Variants in AFF3 observed in about 807,000 individuals in gnomAD.
The protein encoded by AFF3 is AF4/FMR2 family member 3.
AFF3 carries 32 observed loss-of-function variants against 129.7 expected under a neutral mutation model. That is an observed-to-expected ratio of 0.25 (90% CI 0.19 to 0.33). The LOEUF (loss-of-function observed/expected upper bound fraction) is 0.33. Ranked by LOEUF, AFF3 falls within the 10% of genes least tolerant of loss-of-function variation. AFF3 has a pLI of 1.00. For missense variants in AFF3, 1,373 were observed against 1,592.0 expected, an observed-to-expected ratio of 0.86 and a Z score of 2.34; for synonymous variants, 644 against 635.4, an observed-to-expected ratio of 1.01 and a Z score of -0.20.
chr2:99,565,431 T>A, intron 20 of AFF3, 56 bp downstream of exon 20: 2 of 1,593,880 alleles, frequency 1.3e-6, no homozygotes. Flanking sequence ...GTAACCATAG[T>A]GCTTCCACAC....
intron 11 of AFF3, among the ~76,000 whole-genome samples, chr2:99,677,065 C>T (rs566188327): frequency 2.6e-5 from 4 of 152,064 alleles, no homozygotes; most frequent in South Asian, 2.1e-4. Flanking sequence ...CCCAAGAGTT[C>T]GAGATCAGCC....
chr2:99,963,787 TTAAAAG>T (rs1190434722), intron 7 of AFF3, among the ~76,000 whole-genome samples: 3 of 152,010 alleles, frequency 2.0e-5, no homozygotes, highest in African/African-American at 4.8e-5. Context: ...AATAATTACC[TTAAAAG>T]TAAATAGTCT....
chr2:99,875,341 C>G (rs954101875), intron 7 of AFF3, among the ~76,000 whole-genome samples: 1 of 152,184 alleles, frequency 6.6e-6, no homozygotes, highest in African/African-American at 2.4e-5. Context: ...AGAGGCCTTT[C>G]CTGATCCTCC....
intron 11 of AFF3, among the ~76,000 whole-genome samples, chr2:99,706,407 G>A (rs1178385116): frequency 6.6e-6 from 1 of 152,204 alleles, no homozygotes; most frequent in Non-Finnish European, 1.5e-5. Flanking sequence ...TATCCGGGCT[G>A]TCACTGGTGG....
At chr2:99,557,797 C>T (rs1222501550) in intron 22 of AFF3, among the ~76,000 whole-genome samples, 1 of 152,100 alleles carries the variant, frequency 6.6e-6, no homozygotes, top group East Asian at 1.9e-4. Context: ...CCAGGAACCC[C>T]CAGCACAGCC....
intron 4 of AFF3, among the ~76,000 whole-genome samples, chr2:100,064,841 T>A (rs1358310437): frequency 6.6e-6 from 1 of 152,266 alleles, no homozygotes; most frequent in Non-Finnish European, 1.5e-5. Context: ...CTCTTTTTTA[T>A]AAATTCTATA....
rs757356375 is a variant in AFF3 at position 99,593,619 on chromosome 2, A to G, written c.2042T>C (p.Leu681Pro). 1.9e-6 allele frequency: 3 copies of G among 1,610,840 alleles called. No individual in the cohort carries two copies. Among genetic ancestry groups the G allele is most frequent in the South Asian group, 2.2e-5 (2 of 91,034 alleles). Residue 681 changes from leucine (L) to proline (P), a missense_variant, in exon 15 of 25, where the codon CTG (leucine) becomes CCG (proline). Physicochemically the swap from Leu to Pro is moderately conservative, Grantham distance 98 (BLOSUM62 -3). Coordinates refer to ENST00000672756, the MANE Select transcript of AFF3 (RefSeq NM_001386135.1). ...SSSSSSSDSD[L>P]ESEQEEYPLS... is the part of the protein sequence containing the mutation. ...AGGGTACTCCTCCTGCTCGGACTCC[A>G]GGTCGGAGTCCGAGGAGGAGGATGA...
intron 4 of AFF3, among the ~76,000 whole-genome samples, chr2:100,049,727 A>G (rs1352892954): frequency 6.6e-6 from 1 of 152,214 alleles, no homozygotes; most frequent in Non-Finnish European, 1.5e-5. Flanking sequence ...CCATGACACC[A>G]TTTTTTAAAC....
At chr2:100,000,066 A>T (rs533999951) in intron 7 of AFF3, among the ~76,000 whole-genome samples, 3 of 152,188 alleles carry the variant, frequency 2.0e-5, no homozygotes, top group African/African-American at 4.8e-5. Context: ...TCTACTGTAA[A>T]TGTATTGCTA....
intron 13 of AFF3, among the ~76,000 whole-genome samples, chr2:99,624,855 C>T (rs962701991): frequency 9.8e-5 from 15 of 152,324 alleles, no homozygotes; most frequent in Non-Finnish European, 1.5e-4. Context: ...CCTCCGGAGA[C>T]GAAGGCGGGA....
At chr2:99,658,205 T>C (rs1021850304) in intron 12 of AFF3, among the ~76,000 whole-genome samples, 6 of 152,056 alleles carry the variant, frequency 3.9e-5, no homozygotes, top group African/African-American at 9.7e-5. Context: ...ATGGAGGGCA[T>C]AGAAGATACA....
chr2:99,895,894 C>T (rs1693901235), intron 7 of AFF3, among the ~76,000 whole-genome samples: 1 of 151,776 alleles, frequency 6.6e-6, no homozygotes, highest in African/African-American at 2.4e-5. Flanking sequence ...CATGGTGAAA[C>T]CCCATCTCTA....
At chr2:99,758,321 C>A (rs1206561135) in intron 8 of AFF3, among the ~76,000 whole-genome samples, 1 of 152,162 alleles carries the variant, frequency 6.6e-6, no homozygotes, top group East Asian at 1.9e-4. Flanking sequence ...GTGGCTCATG[C>A]CTGTAATCCC....
At chr2:99,705,414 A>C (rs1185280710) in intron 11 of AFF3, among the ~76,000 whole-genome samples, 1 of 152,184 alleles carries the variant, frequency 6.6e-6, no homozygotes, top group African/African-American at 2.4e-5. Flanking sequence ...GAATGAGGTC[A>C]ACGGCACCAG....
intron 7 of AFF3, among the ~76,000 whole-genome samples, chr2:99,843,920 C>T (rs1008176885): frequency 6.6e-6 from 1 of 152,100 alleles, no homozygotes; most frequent in African/African-American, 2.4e-5. Context: ...GTCTCAGCTA[C>T]TCTGGAGGCT....
intron 8 of AFF3, among the ~76,000 whole-genome samples, chr2:99,820,381 C>T (rs6737418): frequency 0.61 from 93,021 of 151,750 alleles, 30,110 homozygotes; most frequent in South Asian, 0.79. Flanking sequence ...AAAAATACAG[C>T]ATAAAAGGTT....
chr2:99,787,665 G>A (rs554834930), intron 8 of AFF3, among the ~76,000 whole-genome samples: 2 of 152,304 alleles, frequency 1.3e-5, no homozygotes, highest in East Asian at 3.9e-4. Flanking sequence ...TCTGACTGGA[G>A]ACTTAGGCTA....
chr2:99,778,733 T>C (rs1299268217), intron 8 of AFF3, among the ~76,000 whole-genome samples: 1 of 152,220 alleles, frequency 6.6e-6, no homozygotes, highest in African/African-American at 2.4e-5. Flanking sequence ...GTTTTATTCT[T>C]TGGATGCTAT....
chr2:99,952,574 G>A (rs1676265365), intron 7 of AFF3, among the ~76,000 whole-genome samples: 1 of 152,070 alleles, frequency 6.6e-6, no homozygotes, highest in Non-Finnish European at 1.5e-5. Flanking sequence ...ATGACTGCCA[G>A]TCCTGTGTGT....
Sources: gnomAD v4.1 joint callset for allele counts (sites outside exome capture counted in the v4.1 genomes callset) on GRCh38, gnomAD v4.1.1 for gene constraint, MANE v1.5 for transcripts, NCBI Gene and HGNC (gene_info 2026-07-23, HGNC 2026-07-21) for gene names.